The following METTL8 variants were observed in gnomAD, a reference collection of about 807,000 sequenced individuals.
METTL8 encodes the protein methyltransferase 8, tRNA N3-cytidine, also known as tRNA N(3)-cytidine methyltransferase METTL8, mitochondrial.
METTL8 carries 32 observed loss-of-function variants against 48.7 expected under a neutral mutation model. The observed-to-expected ratio is 0.66, with a 90% CI of 0.50 to 0.88. METTL8 has a LOEUF of 0.88. Ranked by LOEUF, METTL8 falls within the 40% of genes least tolerant of loss-of-function variation. The probability of loss-of-function intolerance (pLI) is 0.00; values close to 1 mark genes in which losing one functional copy is unlikely to be tolerated. For missense variants in METTL8, 464 were observed against 474.4 expected, an observed-to-expected ratio of 0.98 and a Z score of 0.20; for synonymous variants, 136 against 157.1, an observed-to-expected ratio of 0.87 and a Z score of 1.01.
intron 1 of METTL8, among the ~76,000 whole-genome samples, chr2:171,420,546 T>C (rs1221766470): frequency 6.6e-6 from 1 of 152,214 alleles, no homozygotes; most frequent in Non-Finnish European, 1.5e-5. Flanking sequence ...GCTGGATTAA[T>C]ATGTTTTAAA....
intron 3 of METTL8, 90 bp from the exon 4 acceptor site, chr2:171,339,644 T>G (rs1010098253): frequency 1.7e-6 from 1 of 575,228 alleles, no homozygotes; most frequent in African/African-American, 1.9e-5. Flanking sequence ...ACATATACAT[T>G]ATCATTTATA....
chr2:171,419,264 A>G (rs969150953), intron 1 of METTL8, among the ~76,000 whole-genome samples: 38 of 152,338 alleles, frequency 2.5e-4, no homozygotes, highest in African/African-American at 8.9e-4. Flanking sequence ...CTCAAGGGAC[A>G]AAGCAAGGAA....
At chr2:171,348,995 A>T (rs1683591710) in intron 3 of METTL8, among the ~76,000 whole-genome samples, 1 of 152,134 alleles carries the variant, frequency 6.6e-6, no homozygotes, top group South Asian at 2.1e-4. Flanking sequence ...AAAAATTGTG[A>T]TTACAAACCA....
intron 1 of METTL8, among the ~76,000 whole-genome samples, chr2:171,396,933 C>A (rs1689122448): frequency 1.3e-5 from 2 of 151,040 alleles, no homozygotes; most frequent in South Asian, 4.2e-4. Flanking sequence ...AGCTCATAGG[C>A]CTGCTTTGGC....
intron 2 of METTL8, among the ~76,000 whole-genome samples, chr2:171,376,639 A>G (rs1013979953): frequency 7.2e-5 from 11 of 152,214 alleles, no homozygotes; most frequent in African/African-American, 2.7e-4. Flanking sequence ...GAATACACTT[A>G]GCAAAGGAGG....
chr2:171,418,107 C>T (rs978149922), intron 1 of METTL8, among the ~76,000 whole-genome samples: 1 of 152,112 alleles, frequency 6.6e-6, no homozygotes, highest in Admixed American at 6.6e-5. Flanking sequence ...CCATGCCCGG[C>T]TAATTTTTTG....
chr2:171,366,278 C>T (rs1685710090), intron 2 of METTL8, among the ~76,000 whole-genome samples: 1 of 151,958 alleles, frequency 6.6e-6, no homozygotes, highest in Non-Finnish European at 1.5e-5. Context: ...TAGTTAAGAC[C>T]CTAGAAATCC....
chr2:171,346,215 G>A (rs1278790403), intron 3 of METTL8, among the ~76,000 whole-genome samples: 1 of 152,096 alleles, frequency 6.6e-6, no homozygotes, highest in African/African-American at 2.4e-5. Flanking sequence ...TTTTTGTAGA[G>A]ATGGGGTCTG....
At chr2:171,424,849 C>T (rs943149140) in intron 1 of METTL8, among the ~76,000 whole-genome samples, 4 of 152,128 alleles carry the variant, frequency 2.6e-5, no homozygotes, top group Non-Finnish European at 5.9e-5. Context: ...AGGACATGAG[C>T]TCTGGGAGGG....
chr2:171,324,367 G>A lies in METTL8; in HGVS notation c.1034-5C>T, dbSNP rs751592793. ...AGAACATACTGTGGACTTCCCCTGT[G>A]AGACAAAAATGGCAATAAAAGATAT... On this transcript the variant is annotated splice_polypyrimidine_tract_variant and splice_region_variant and intron_variant, in intron 9 of 9. Transcript: ENST00000375258. 7 of 1,550,230 alleles carry A rather than the reference G, an allele frequency of 4.5e-6. No individual in the cohort carries two copies. The highest frequency in any genetic ancestry group is 6.1e-6 in the Non-Finnish European group (7 of 1,146,504).
At chr2:171,411,096 C>G (rs1442619805) in intron 1 of METTL8, among the ~76,000 whole-genome samples, 2 of 152,030 alleles carry the variant, frequency 1.3e-5, no homozygotes, top group African/African-American at 2.4e-5. Flanking sequence ...CAGAAATATA[C>G]AAGACCAATA....
At chr2:171,431,480 T>C (rs942166246) in intron 1 of METTL8, among the ~76,000 whole-genome samples, 11 of 152,220 alleles carry the variant, frequency 7.2e-5, no homozygotes, top group African/African-American at 2.7e-4. Context: ...TTCTTACTGA[T>C]TGTGAGACAA....
rs576303739 is a variant in METTL8 at position 171,417,339 on chromosome 2, TGAA to T, written c.-13+16541_-13+16543del. Among the ~76,000 whole-genome samples the T allele has an allele frequency of 3.5e-3, 526 of 152,342 alleles. 2 individuals are homozygous for T. Among genetic ancestry groups the T allele is most frequent in the Middle Eastern group, 6.8e-3 (2 of 294 alleles). Reference sequence around the variant, plus strand: ...AGTGCCAAGCTAAAAATCAGTATGCTGAAGAAGAGAGATGCAGTGAAATTTAGC... The same window carrying T: ...AGTGCCAAGCTAAAAATCAGTATGCTGAAGAGAGATGCAGTGAAATTTAGC... On this transcript the variant is annotated intron_variant, in intron 1 of 9. Transcript: ENST00000375258.
At chr2:171,434,539 T>C, upstream of METTL8, 1 of 1,523,222 alleles carries the variant, frequency 6.6e-7, no homozygotes, top group Non-Finnish European at 8.8e-7. Context: ...GGCGCGCCAC[T>C]CGGCGGCCCA....
chr2:171,362,566 A>AAAATAAATAAATAAAT (rs147767237), intron 2 of METTL8, among the ~76,000 whole-genome samples: 34 of 146,008 alleles, frequency 2.3e-4, no homozygotes, highest in East Asian at 6.0e-4. Context: ...TAAAAAAATA[A>AAAATAAATAAATAAAT]AAATAAATAA....
intron 2 of METTL8, among the ~76,000 whole-genome samples, chr2:171,382,798 C>T (rs112603957): frequency 4.7e-4 from 71 of 152,178 alleles, no homozygotes; most frequent in African/African-American, 1.6e-3. Flanking sequence ...CTGGGCCAGA[C>T]GCGGTGGCTC....
intron 2 of METTL8, chr2:171,375,237 G>A (rs1686835952): frequency 1.6e-6 from 2 of 1,225,210 alleles, no homozygotes; most frequent in East Asian, 2.3e-5. Flanking sequence ...CGTGGCCGCG[G>A]CCCTTTTTGG....
At chr2:171,328,124 G>C (rs977363830) in intron 7 of METTL8, among the ~76,000 whole-genome samples, 2 of 152,140 alleles carry the variant, frequency 1.3e-5, no homozygotes, top group Non-Finnish European at 2.9e-5. Flanking sequence ...GGCTGGGGGT[G>C]AGATGGACAA....
At chr2:171,358,806 C>T (rs1019095270) in intron 3 of METTL8, among the ~76,000 whole-genome samples, 6 of 151,862 alleles carry the variant, frequency 4.0e-5, no homozygotes, top group African/African-American at 1.2e-4. Context: ...GCAACCAAAG[C>T]GAAAATAGAA....
Sources: allele counts gnomAD v4.1 joint callset (sites outside exome capture counted in the v4.1 genomes callset), GRCh38; gene constraint gnomAD v4.1.1; transcripts MANE v1.5; gene names NCBI Gene and HGNC (gene_info 2026-07-23, HGNC 2026-07-21).